Variants in NALCN observed in about 807,000 individuals in gnomAD.
NALCN encodes sodium leak channel, non-selective, also known as sodium leak channel NALCN.
NALCN carries 111 observed loss-of-function variants against 225.3 expected under a neutral mutation model. That is an observed-to-expected ratio of 0.49 (90% CI 0.42 to 0.58). The LOEUF (loss-of-function observed/expected upper bound fraction) is 0.58, where lower values mean the gene tolerates loss of function less well. Among genes scored for constraint, NALCN ranks in the 20% least tolerant of loss-of-function variants. NALCN has a pLI of 0.00. For missense variants in NALCN, 1,378 were observed against 2,202.4 expected (o/e 0.63, Z 7.49); for synonymous variants, 764 against 769.0 (o/e 0.99, Z 0.11).
At chr13:101,112,021 T>C (rs932556625) in intron 18 of NALCN, among the ~76,000 whole-genome samples, 1 of 152,164 alleles carries the variant, frequency 6.6e-6, no homozygotes, top group Admixed American at 6.5e-5. Flanking sequence ...GGAGATTTTG[T>C]AGAACTTTAG....
chr13:101,301,256 A>G (rs746704592), intron 7 of NALCN, among the ~76,000 whole-genome samples: 2 of 152,174 alleles, frequency 1.3e-5, no homozygotes, highest in African/African-American at 4.8e-5. Context: ...CGCCAACTAC[A>G]GCACTCCCTG....
intron 11 of NALCN, among the ~76,000 whole-genome samples, chr13:101,241,290 G>C (rs1412025934): frequency 6.6e-6 from 1 of 152,204 alleles, no homozygotes; most frequent in Admixed American, 6.5e-5. Flanking sequence ...GGTTCTTCCA[G>C]GGAACCTGGG....
chr13:101,117,702 C>T (rs1048602938), intron 18 of NALCN, among the ~76,000 whole-genome samples: 7 of 152,160 alleles, frequency 4.6e-5, no homozygotes, highest in African/African-American at 1.7e-4. Flanking sequence ...TATCTAATTT[C>T]CTTTCCATGC....
At chr13:101,285,158 C>G (rs1232498364) in intron 9 of NALCN, among the ~76,000 whole-genome samples, 2 of 152,142 alleles carry the variant, frequency 1.3e-5, no homozygotes, top group Non-Finnish European at 2.9e-5. Flanking sequence ...ATCCCATTAC[C>G]TAGGATTTGT....
chr13:101,174,465 G>A (rs2038876814), intron 15 of NALCN, among the ~76,000 whole-genome samples: 1 of 152,158 alleles, frequency 6.6e-6, no homozygotes, highest in Non-Finnish European at 1.5e-5. Context: ...CAGGAAGAAT[G>A]TCAATGCCAA....
chr13:101,167,536 A>G (rs2038498005), intron 15 of NALCN, among the ~76,000 whole-genome samples: 1 of 152,118 alleles, frequency 6.6e-6, no homozygotes, highest in African/African-American at 2.4e-5. Flanking sequence ...CACCATCATA[A>G]AATCAGAAAA....
chr13:101,129,811 G>T (rs1468029681), intron 17 of NALCN, among the ~76,000 whole-genome samples: 1 of 151,280 alleles, frequency 6.6e-6, no homozygotes, highest in Non-Finnish European at 1.5e-5. Context: ...CACAGTGGTT[G>T]GCTGCACCCA....
At chr13:101,345,198 A>G in intron 7 of NALCN, 68 bp downstream of exon 7, 1 of 1,470,000 alleles carries the variant, frequency 6.8e-7, no homozygotes, top group Non-Finnish European at 9.2e-7. Flanking sequence ...CAATTATTTA[A>G]TTATTCTGTC....
In NALCN at chr13:101,092,591, C is replaced by G. The variant is rs571969010; in HGVS notation, c.3270-2625G>C. Among the ~76,000 whole-genome samples, 3 of 152,320 alleles carry G rather than the reference C, an allele frequency of 2.0e-5. No individual in the cohort carries two copies. The East Asian group carries it at 5.8e-4, about 29-fold the overall frequency. ...AAAGGTAACCAGTGTGTCTTCTCAT[C>G]TGGTCCTTCTCTTTGGCCCTGCATA... is the stretch of plus-strand genomic sequence containing the variant. On this transcript the variant is annotated intron_variant, in intron 28 of 43. Transcript: ENST00000251127.
chr13:101,267,601 C>T (rs546377925), intron 10 of NALCN, among the ~76,000 whole-genome samples: 5 of 152,298 alleles, frequency 3.3e-5, no homozygotes, highest in African/African-American at 1.2e-4. Context: ...CTTGGAACCC[C>T]GAGCGACCAC....
intron 15 of NALCN, among the ~76,000 whole-genome samples, chr13:101,157,970 C>T (rs572673185): frequency 1.3e-5 from 2 of 152,232 alleles, no homozygotes; most frequent in Non-Finnish European, 2.9e-5. Context: ...CCAGGCTGGT[C>T]TCAAACTCTT....
chr13:101,214,127 G>T (rs1447412681), intron 13 of NALCN, among the ~76,000 whole-genome samples: 2 of 152,208 alleles, frequency 1.3e-5, no homozygotes, highest in East Asian at 3.9e-4. Flanking sequence ...AAAAATGGAT[G>T]AGTTCATGTC....
intron 15 of NALCN, among the ~76,000 whole-genome samples, chr13:101,149,822 T>C (rs2037546277): frequency 6.6e-6 from 1 of 152,210 alleles, no homozygotes; most frequent in African/African-American, 2.4e-5. Flanking sequence ...GCAGTTCCCA[T>C]GCACTCTTTG....
At chr13:101,143,451 G>A (rs2037194296) in intron 16 of NALCN, among the ~76,000 whole-genome samples, 2 of 151,526 alleles carry the variant, frequency 1.3e-5, no homozygotes, top group African/African-American at 4.9e-5. Context: ...CTCAGTAACC[G>A]ATGGTAGTTT....
intron 4 of NALCN, 29 bp from the exon 5 acceptor site, chr13:101,377,085 T>C (rs201180492): frequency 3.7e-6 from 6 of 1,613,768 alleles, no homozygotes; most frequent in South Asian, 2.2e-5. Flanking sequence ...GTAAATGAGG[T>C]TGGATTTTCC....
chr13:101,261,076 ATTC>A lies in NALCN; in HGVS notation c.1135-2505_1135-2503del, dbSNP rs527691678. 2.6e-5 allele frequency among the ~76,000 whole-genome samples: 4 copies of A among 152,220 alleles called. 1 individual carries two copies. In the South Asian group the frequency reaches 8.3e-4, roughly 32 times the overall value. ...CCTTACAGAGATAGGGGTTAGTTTC[ATTC>A]TTCTGCATATGGATGTCCAGGACCA... is the stretch of plus-strand genomic sequence containing the variant. On this transcript the variant is annotated intron_variant, in intron 10 of 43. Transcript: ENST00000251127.
intron 15 of NALCN, among the ~76,000 whole-genome samples, chr13:101,159,738 T>C (rs1219227088): frequency 6.6e-6 from 1 of 151,846 alleles, no homozygotes; most frequent in Non-Finnish European, 1.5e-5. Context: ...ACCAGGGAGA[T>C]GATATAAGTG....
intron 17 of NALCN, among the ~76,000 whole-genome samples, chr13:101,135,785 A>C (rs1387388890): frequency 6.6e-6 from 1 of 152,266 alleles, no homozygotes; most frequent in African/African-American, 2.4e-5. Flanking sequence ...ACTTGATAGA[A>C]GAGACAATTT....
intron 42 of NALCN, 79 bp downstream of exon 42, chr13:101,059,739 A>G: frequency 7.5e-7 from 1 of 1,334,262 alleles, no homozygotes; most frequent in Non-Finnish European, 1.0e-6. Flanking sequence ...TGATCTGACC[A>G]GCACCCATTT....
Sources: allele counts gnomAD v4.1 joint callset (sites outside exome capture counted in the v4.1 genomes callset), GRCh38; gene constraint gnomAD v4.1.1; transcripts MANE v1.5; gene names NCBI Gene and HGNC (gene_info 2026-07-23, HGNC 2026-07-21).